Variants in RALGAPA2 observed in about 807,000 individuals in gnomAD.
RALGAPA2 encodes ral GTPase-activating protein subunit alpha-2.
RALGAPA2 carries 139 observed loss-of-function variants against 230.4 expected under a neutral mutation model. The observed-to-expected ratio is 0.60, with a 90% CI of 0.53 to 0.69. The LOEUF (loss-of-function observed/expected upper bound fraction) is 0.69, where lower values mean the gene tolerates loss of function less well. Among genes scored for constraint, RALGAPA2 ranks in the 30% least tolerant of loss-of-function variants. RALGAPA2 has a pLI of 0.00. For missense variants in RALGAPA2, 2,163 were observed against 2,276.0 expected (o/e 0.95, Z 1.01); for synonymous variants, 847 against 837.8 (o/e 1.01, Z -0.19).
At chr20:20,574,229 C>T (rs980369787) in intron 20 of RALGAPA2, among the ~76,000 whole-genome samples, 18 of 152,120 alleles carry the variant, frequency 1.2e-4, no homozygotes, top group African/African-American at 3.4e-4. Context: ...ATATGTGACT[C>T]GAACTTGAAG....
intron 1 of RALGAPA2, among the ~76,000 whole-genome samples, chr20:20,694,469 C>T (rs917699692): frequency 2.0e-5 from 3 of 152,186 alleles, no homozygotes; most frequent in African/African-American, 7.2e-5. Flanking sequence ...TGTGAGCAGC[C>T]TCCAATATTG....
intron 30 of RALGAPA2, among the ~76,000 whole-genome samples, chr20:20,524,105 C>T (rs542916182): frequency 7.2e-5 from 11 of 152,126 alleles, no homozygotes; most frequent in Admixed American, 1.3e-4. Flanking sequence ...TACAGGCACC[C>T]GCCACCACGC....
intron 7 of RALGAPA2, 24 bp downstream of exon 7, chr20:20,639,761 A>T: frequency 1.4e-6 from 2 of 1,472,804 alleles, no homozygotes; most frequent in Non-Finnish European, 1.9e-6. Context: ...CCCATCACTG[A>T]AATAGTCATA....
chr20:20,495,480 A>T (rs1173746076), intron 35 of RALGAPA2, among the ~76,000 whole-genome samples: 1 of 152,262 alleles, frequency 6.6e-6, no homozygotes, highest in East Asian at 1.9e-4. Context: ...GTTGGTACCA[A>T]GATAAGGCAT....
rs988733587 is a variant in RALGAPA2 at position 20,417,430 on chromosome 20, A to G, written c.5496-5282T>C. 3.9e-5 allele frequency among the ~76,000 whole-genome samples: 6 copies of G among 152,310 alleles called. No homozygotes were observed. The East Asian group carries it at 5.8e-4, about 15-fold the overall frequency. ...TGGCTGTCTGCATTCACGGGGCTGC[A>G]TGACTCTCCTCTTTGCTTCCATGGC... On this transcript the variant is annotated intron_variant, in intron 37 of 39. Transcript: ENST00000202677.
intron 23 of RALGAPA2, among the ~76,000 whole-genome samples, chr20:20,552,980 C>T (rs1357431678): frequency 6.7e-6 from 1 of 150,254 alleles, no homozygotes; most frequent in East Asian, 1.9e-4. Context: ...AAACAAAAAA[C>T]ACAGCAGAGC....
At chr20:20,467,889 C>A (rs1051765857) in intron 37 of RALGAPA2, among the ~76,000 whole-genome samples, 2 of 152,126 alleles carry the variant, frequency 1.3e-5, no homozygotes, top group Non-Finnish European at 2.9e-5. Flanking sequence ...TATTAAAAAT[C>A]TCTAATTCCT....
chr20:20,525,766 CT>C (rs1408178227), intron 28 of RALGAPA2, among the ~76,000 whole-genome samples: 2 of 152,216 alleles, frequency 1.3e-5, no homozygotes, highest in Non-Finnish European at 2.9e-5. Flanking sequence ...CCTTCCGCCC[CT>C]CTTTCCTACC....
In RALGAPA2 at chr20:20,629,515, G is replaced by C. The variant is rs376270073; in HGVS notation, c.1081C>G (p.His361Asp). The change falls in exon 10 of 40, where the codon CAT (histidine) becomes GAT (aspartate). Residue 361 changes from histidine to aspartate, a missense_variant. By Grantham distance (81) the His-to-Asp change is moderately conservative. Coordinates refer to ENST00000202677, the MANE Select transcript of RALGAPA2 (RefSeq NM_020343.4). ...GGGPTEQDKS[H>D]SNSSTLSDRR... ...TCCGACAAGGTGCTGCTGTTAGAAT[G>C]GCTTTTGTCCTGCTCCGTGGGCCCA... 1.2e-5 allele frequency: 20 copies of C among 1,613,842 alleles called. No individual in the cohort carries two copies. In the African/African-American group the frequency reaches 2.3e-4, roughly 18 times the overall value.
chr20:20,479,845 GT>G (rs1165775247), intron 36 of RALGAPA2, among the ~76,000 whole-genome samples: 3 of 152,140 alleles, frequency 2.0e-5, no homozygotes, highest in African/African-American at 7.2e-5. Flanking sequence ...TTTTTAGATG[GT>G]ATAACTGTAC....
intron 23 of RALGAPA2, among the ~76,000 whole-genome samples, chr20:20,564,390 G>C (rs2064349927): frequency 1.3e-5 from 2 of 152,090 alleles, no homozygotes; most frequent in Admixed American, 6.5e-5. Context: ...TAGCTAAAAG[G>C]ATATTCAACA....
At chr20:20,592,802 TAC>T (rs906367242) in intron 16 of RALGAPA2, among the ~76,000 whole-genome samples, 3 of 152,206 alleles carry the variant, frequency 2.0e-5, no homozygotes, top group Admixed American at 6.5e-5. Flanking sequence ...CTACATTTAA[TAC>T]AGAGGATTTC....
intron 3 of RALGAPA2, among the ~76,000 whole-genome samples, chr20:20,654,064 T>C (rs940914822): frequency 6.6e-6 from 1 of 152,144 alleles, no homozygotes; most frequent in Non-Finnish European, 1.5e-5. Context: ...GAAAATGAAA[T>C]TGGTGGCAAG....
At chr20:20,574,550 T>C (rs1218828857) in intron 20 of RALGAPA2, among the ~76,000 whole-genome samples, 1 of 152,150 alleles carries the variant, frequency 6.6e-6, no homozygotes, top group African/African-American at 2.4e-5. Flanking sequence ...AAATAAGCCT[T>C]TGAATTTTTA....
intron 39 of RALGAPA2, among the ~76,000 whole-genome samples, chr20:20,396,059 C>T (rs755281793): frequency 1.3e-5 from 2 of 152,234 alleles, no homozygotes; most frequent in Non-Finnish European, 2.9e-5. Context: ...TCCATCAGAG[C>T]GCTCTGGGCA....
intron 1 of RALGAPA2, among the ~76,000 whole-genome samples, chr20:20,710,894 T>C (rs1165141863): frequency 6.6e-6 from 1 of 152,176 alleles, no homozygotes; most frequent in Admixed American, 6.5e-5. Flanking sequence ...CTCTCCTTTA[T>C]CAAAAATGTC....
chr20:20,691,511 T>C (rs574284677), intron 1 of RALGAPA2, among the ~76,000 whole-genome samples: 9 of 152,360 alleles, frequency 5.9e-5, no homozygotes, highest in African/African-American at 2.2e-4. Flanking sequence ...CAGTTTTGTA[T>C]ATACATAATT....
intron 16 of RALGAPA2, among the ~76,000 whole-genome samples, chr20:20,600,552 T>C (rs1325561294): frequency 2.0e-5 from 3 of 152,220 alleles, no homozygotes; most frequent in East Asian, 3.8e-4. Context: ...TATATTTTCA[T>C]AAAAACTCCA....
chr20:20,445,551 T>A (rs1032704925), intron 37 of RALGAPA2, among the ~76,000 whole-genome samples: 6 of 152,144 alleles, frequency 3.9e-5, no homozygotes, highest in Admixed American at 2.6e-4. Context: ...ATTCTTGTTT[T>A]TGAAATAAAC....
Sources: gnomAD v4.1 joint callset for allele counts (sites outside exome capture counted in the v4.1 genomes callset) on GRCh38, gnomAD v4.1.1 for gene constraint, MANE v1.5 for transcripts, NCBI Gene and HGNC (gene_info 2026-07-23, HGNC 2026-07-21) for gene names.